PLAG1: variants seen among roughly 807,000 people sequenced by gnomAD.
The protein encoded by PLAG1 is PLAG1 zinc finger, also known as zinc finger protein PLAG1.
In PLAG1, 7 loss-of-function variants were observed where a neutral mutation model predicts 35.5. The ratio of observed to expected loss-of-function variants is 0.20; its 90% CI spans 0.11 to 0.37. PLAG1 has a LOEUF of 0.37. Among genes scored for constraint, PLAG1 ranks in the 10% least tolerant of loss-of-function variants. The pLI is 1.00. For synonymous variants in PLAG1, 229 were observed against 225.4 expected (o/e 1.02, Z -0.14); for missense variants, 454 against 602.8 (o/e 0.75, Z 2.58).
chr8:56,205,964 A>T (rs757154735), intron 1 of PLAG1, among the ~76,000 whole-genome samples: 2 of 152,136 alleles, frequency 1.3e-5, no homozygotes, highest in East Asian at 1.9e-4. Flanking sequence ...TGTTTATAAG[A>T]CATCCAGGGA....
intron 1 of PLAG1, among the ~76,000 whole-genome samples, chr8:56,184,489 A>G (rs960948619): frequency 6.6e-6 from 1 of 152,244 alleles, no homozygotes; most frequent in African/African-American, 2.4e-5. Flanking sequence ...GCTATTTACC[A>G]AGAGATCTGA....
Position 56,162,040 on chromosome 8 carries a change from C to T in PLAG1, c.*4203G>A, listed in dbSNP as rs1372168174. On this transcript the variant is annotated 3_prime_UTR_variant, in exon 5 of 5. Coordinates refer to ENST00000316981, the MANE Select transcript of PLAG1 (RefSeq NM_002655.3). ...CCTTCACCAATGCTGGTTGCATGATCTTCTTTTCTATGATCCCAAAGGAGC... is the reference window on the plus strand; with the variant it reads ...CCTTCACCAATGCTGGTTGCATGATTTTCTTTTCTATGATCCCAAAGGAGC... 8.8e-6 allele frequency: 2 copies of T among 226,572 alleles called. No homozygotes were observed. Among genetic ancestry groups the T allele is most frequent in the East Asian group, 6.3e-5 (1 of 15,840 alleles). 14.0% of individuals were successfully genotyped at this position (226,572 alleles called of 1,614,324 possible). A position where few individuals can be genotyped will look rare whatever the true frequency, so the allele number is the denominator to read the frequency against.
Position 56,167,404 on chromosome 8 carries a change from G to A in PLAG1, c.342C>T (p.His114=), listed in dbSNP as rs375389195. 6.1e-5 allele frequency: 99 copies of A among 1,613,434 alleles called. No homozygotes were observed. The East Asian group carries it at 1.6e-3, about 26-fold the overall frequency. The part of the protein sequence containing the change: ...KDHLKNHLHT[H]DPNKETFKCE... ...ACTTAAACGTCTCTTTGTTAGGGTC[G>A]TGTGTATGGAGGTGATTCTTCAGAT... Residue 114 remains histidine, a synonymous_variant, in exon 5 of 5, where the codon CAC becomes CAT. Transcript: ENST00000316981. The surrounding 1 kb of genome is among the most constrained non-coding windows in gnomAD (Gnocchi z 5.9).
chr8:56,191,676 T>C (rs1812186792), intron 1 of PLAG1, among the ~76,000 whole-genome samples: 1 of 152,106 alleles, frequency 6.6e-6, no homozygotes. Context: ...CTCCCTTAAT[T>C]TATCTGCTTT....
intron 1 of PLAG1, among the ~76,000 whole-genome samples, chr8:56,184,628 G>A (rs896330325): frequency 6.6e-5 from 10 of 152,158 alleles, no homozygotes; most frequent in Non-Finnish European, 1.5e-4. Context: ...AGCCGGGCAC[G>A]GTAGCTCATG....
chr8:56,162,916 T>C lies in PLAG1; in HGVS notation c.*3327A>G, dbSNP rs1311747935. ...TACACAGCTTGAAAGAAACACTAAA[T>C]GAAATAAAAAAGTTGCACACAGAGT... On this transcript the variant is annotated 3_prime_UTR_variant, in exon 5 of 5. Transcript: ENST00000316981. The C allele has an allele frequency of 4.6e-6, 1 of 215,452 alleles. No individual in the cohort carries two copies. The highest frequency in any genetic ancestry group is 6.9e-5 in the East Asian group (1 of 14,558). The allele number at this position is 215,452 out of a possible 1,614,324, so 13.3% of individuals were successfully genotyped here.
In PLAG1 at chr8:56,165,874, C is replaced by A. The variant is rs1585772692; in HGVS notation, c.*369G>T. 5.0e-6 allele frequency: 1 copy of A among 201,016 alleles called. No homozygotes were observed. The highest frequency in any genetic ancestry group is 1.0e-5 in the Non-Finnish European group (1 of 97,952). The allele number at this position is 201,016 out of a possible 1,614,324, so 12.5% of individuals were successfully genotyped here. A position where few individuals can be genotyped will look rare whatever the true frequency, so the allele number is the denominator to read the frequency against. ...TTCTATTGCTAAATTTTTTAATGAG[C>A]CAGATGTCAAAAGGTAGAGCCACTG... On this transcript the variant is annotated 3_prime_UTR_variant, in exon 5 of 5. Transcript: ENST00000316981.
chr8:56,165,738 T>C lies in PLAG1; in HGVS notation c.*505A>G, dbSNP rs1223308563. On this transcript the variant is annotated 3_prime_UTR_variant, in exon 5 of 5. Transcript: ENST00000316981. ...TGTATCTAACAAACATTTATTATCTTCCGAAACTGGACTCTTAATTCATTT... is the reference window on the plus strand; with the variant it reads ...TGTATCTAACAAACATTTATTATCTCCCGAAACTGGACTCTTAATTCATTT... The C allele has an allele frequency of 1.0e-5, 2 of 195,410 alleles. No homozygotes were observed. The highest frequency in any genetic ancestry group is 2.1e-5 in the Non-Finnish European group (2 of 94,034). The allele number at this position is 195,410 out of a possible 1,614,324, so 12.1% of individuals were successfully genotyped here.
chr8:56,208,954 T>G (rs1370317120), intron 1 of PLAG1, among the ~76,000 whole-genome samples: 2 of 152,232 alleles, frequency 1.3e-5, no homozygotes, highest in Non-Finnish European at 2.9e-5. Context: ...AAAATGGATG[T>G]GTAAACTTTT....
rs1406909616 is a variant in PLAG1, at chr8:56,166,841, C to A, written c.905G>T (p.Gly302Val). ...NTPFQSMQSS[G>V]SAHQMITTLP... The stretch of plus-strand genomic sequence containing the variant: ...AGTTGTGATCATTTGGTGGGCAGAT[C>A]CCGAGCTCTGCATGGACTGAAATGG... Residue 302 changes from glycine (G) to valine (V), a missense_variant, in exon 5 of 5, where the codon GGA becomes GTA. Physicochemically the swap from Gly to Val is moderately radical, Grantham distance 109. Around this residue, in one of 4 missense-constraint regions of PLAG1, gnomAD observed 271 missense variants for 315.6 expected, o/e 0.86. Coordinates refer to ENST00000316981, the MANE Select transcript of PLAG1 (RefSeq NM_002655.3). 6.2e-7 allele frequency: 1 copy of A among 1,614,050 alleles called. No homozygotes were observed. The highest frequency in any genetic ancestry group is 1.1e-5 in the South Asian group (1 of 91,066).
intron 1 of PLAG1, among the ~76,000 whole-genome samples, chr8:56,206,575 T>C (rs898367387): frequency 6.6e-6 from 1 of 151,988 alleles, no homozygotes; most frequent in African/African-American, 2.4e-5. Flanking sequence ...AGAATTCCCA[T>C]GCATGAATTC....
chr8:56,196,645 C>T (rs1401697125), intron 1 of PLAG1, among the ~76,000 whole-genome samples: 5 of 152,204 alleles, frequency 3.3e-5, no homozygotes, highest in Non-Finnish European at 1.5e-5. Flanking sequence ...AAGTACCACA[C>T]GCATAGACGA....
At chr8:56,186,977 A>G (rs1812038463) in intron 1 of PLAG1, among the ~76,000 whole-genome samples, 1 of 152,132 alleles carries the variant, frequency 6.6e-6, no homozygotes, top group Non-Finnish European at 1.5e-5. Context: ...CAGCCTCCCA[A>G]AGTGTTGGGA....
At chr8:56,184,861 T>C (rs1346657383) in intron 1 of PLAG1, among the ~76,000 whole-genome samples, 1 of 152,106 alleles carries the variant, frequency 6.6e-6, no homozygotes, top group East Asian at 1.9e-4. Flanking sequence ...GAACCTGGGA[T>C]GCTTGAACCT....
chr8:56,165,438 A>C lies in PLAG1; in HGVS notation c.*805T>G, dbSNP rs1811326060. On this transcript the variant is annotated 3_prime_UTR_variant, in exon 5 of 5. Transcript: ENST00000316981. ...ACTAAAGAGATCTACCTATATATCGACTCTGAAGACCCCAATGCCATACAC... is the reference window on the plus strand; with the variant it reads ...ACTAAAGAGATCTACCTATATATCGCCTCTGAAGACCCCAATGCCATACAC... 4.6e-6 allele frequency: 1 copy of C among 216,660 alleles called. No homozygotes were observed. The highest frequency in any genetic ancestry group is 9.3e-6 in the Non-Finnish European group (1 of 107,616). 13.4% of individuals were successfully genotyped at this position (216,660 alleles called of 1,614,324 possible). A position where few individuals can be genotyped will look rare whatever the true frequency, so the allele number is the denominator to read the frequency against.
intron 1 of PLAG1, among the ~76,000 whole-genome samples, chr8:56,187,524 G>C (rs1327946400): frequency 1.3e-5 from 2 of 152,218 alleles, no homozygotes; most frequent in Admixed American, 1.3e-4. Flanking sequence ...CCTTGCAGTA[G>C]TGTGTGAATT....
chr8:56,195,005 G>A (rs1014537107), intron 1 of PLAG1, among the ~76,000 whole-genome samples: 3 of 152,102 alleles, frequency 2.0e-5, no homozygotes, highest in East Asian at 3.9e-4. Context: ...GGTGGTGAGC[G>A]AAGAAGCTGC....
rs576477989 is a variant in PLAG1 at position 56,192,380 on chromosome 8, C to T, written c.-321-12867G>A. 9.2e-5 allele frequency among the ~76,000 whole-genome samples: 14 copies of T among 152,320 alleles called. No homozygotes were observed. The South Asian group carries it at 2.5e-3, about 27-fold the overall frequency. On this transcript the variant is annotated intron_variant, in intron 1 of 4. Coordinates refer to ENST00000316981, the MANE Select transcript of PLAG1 (RefSeq NM_002655.3). Reference sequence around the variant, plus strand: ...AAGACTGGACTGGAAACTACCTACTCGCCAACAACTAGGGAAGGCTAAATA... The same window carrying T: ...AAGACTGGACTGGAAACTACCTACTTGCCAACAACTAGGGAAGGCTAAATA...
At chr8:56,171,781 C>T (rs1021833888) in intron 2 of PLAG1, among the ~76,000 whole-genome samples, 1 of 152,208 alleles carries the variant, frequency 6.6e-6, no homozygotes, top group Middle Eastern at 3.4e-3. Context: ...CAAAAGCATG[C>T]AAGAGAAGTT....
Sources: allele counts gnomAD v4.1 joint callset (sites outside exome capture counted in the v4.1 genomes callset), GRCh38; gene constraint gnomAD v4.1.1; regional missense constraint gnomAD v4.1.1; non-coding constraint Gnocchi (gnomAD v3.1); transcripts MANE v1.5; gene names NCBI Gene and HGNC (gene_info 2026-07-23, HGNC 2026-07-21).